Variants in NRXN3 observed in about 807,000 individuals in gnomAD.
NRXN3 encodes the protein neurexin 3.
NRXN3 carries 32 observed loss-of-function variants against 137.6 expected under a neutral mutation model. The observed-to-expected ratio is 0.23, with a 90% CI of 0.18 to 0.31. The LOEUF is 0.31. Ranked by LOEUF, NRXN3 falls within the 10% of genes least tolerant of loss-of-function variation. NRXN3 has a pLI of 1.00. For missense variants in NRXN3, 1,574 were observed against 2,062.5 expected (o/e 0.76, Z 4.59); for synonymous variants, 798 against 784.5 (o/e 1.02, Z -0.29).
chr14:79,362,910 G>T (rs1419325505), intron 15 of NRXN3, among the ~76,000 whole-genome samples: 1 of 152,164 alleles, frequency 6.6e-6, no homozygotes, highest in African/African-American at 2.4e-5. Flanking sequence ...ACAAAGCTTG[G>T]ATTTGGGCAA....
chr14:79,390,050 G>T (rs1324981600), intron 15 of NRXN3, among the ~76,000 whole-genome samples: 1 of 152,156 alleles, frequency 6.6e-6, no homozygotes, highest in East Asian at 1.9e-4. Context: ...AGGAGCGGTG[G>T]CTCACGCCTG....
chr14:78,917,979 TAAAAA>T (rs1158635049), intron 10 of NRXN3, among the ~76,000 whole-genome samples: 1 of 57,218 alleles, frequency 1.7e-5, no homozygotes, highest in African/African-American at 8.0e-5. Context: ...AATAAAAAAA[TAAAAA>T]AATGAAAAAA....
chr14:78,456,787 C>T (rs1185101560), intron 4 of NRXN3, among the ~76,000 whole-genome samples: 1 of 136,532 alleles, frequency 7.3e-6, no homozygotes, highest in Admixed American at 7.3e-5. Context: ...TTCCCTTTCT[C>T]TCTCTCTTTC....
chr14:78,591,379 G>T (rs1005645938), intron 4 of NRXN3, among the ~76,000 whole-genome samples: 1 of 152,118 alleles, frequency 6.6e-6, no homozygotes, highest in Non-Finnish European at 1.5e-5. Flanking sequence ...TAGCTTCCAG[G>T]TGCTGTCCAT....
chr14:78,998,977 A>T (rs2099536026), intron 15 of NRXN3, among the ~76,000 whole-genome samples: 1 of 151,994 alleles, frequency 6.6e-6, no homozygotes, highest in Non-Finnish European at 1.5e-5. Context: ...AGTGGTTCTT[A>T]TTATTTTCTT....
At chr14:79,238,042 C>A (rs1405287780) in intron 15 of NRXN3, among the ~76,000 whole-genome samples, 1 of 151,944 alleles carries the variant, frequency 6.6e-6, no homozygotes, top group Non-Finnish European at 1.5e-5. Context: ...AGATTATATA[C>A]AAAGGGATCA....
intron 4 of NRXN3, among the ~76,000 whole-genome samples, chr14:78,494,581 G>C (rs966705345): frequency 1.3e-5 from 2 of 152,072 alleles, no homozygotes; most frequent in African/African-American, 4.8e-5. Flanking sequence ...GGTGGCTGTA[G>C]CACTGGAAGA....
intron 16 of NRXN3, among the ~76,000 whole-genome samples, chr14:79,646,971 G>A (rs2098455716): frequency 7.4e-6 from 1 of 135,460 alleles, no homozygotes; most frequent in African/African-American, 2.5e-5. Flanking sequence ...AAAGAGAAGA[G>A]AACTAGAAAT....
intron 15 of NRXN3, chr14:79,074,484 G>T (rs1293799980): frequency 6.6e-6 from 1 of 152,196 alleles, no homozygotes; most frequent in African/African-American, 2.4e-5. Flanking sequence ...GATACTAGGG[G>T]TCTGTGTTTG....
chr14:79,381,785 A>T (rs1235859127), intron 15 of NRXN3, among the ~76,000 whole-genome samples: 1 of 152,170 alleles, frequency 6.6e-6, no homozygotes, highest in Non-Finnish European at 1.5e-5. Context: ...GCACGATTCC[A>T]TGAAACATTA....
chr14:79,086,684 T>C (rs984724806), intron 15 of NRXN3, among the ~76,000 whole-genome samples: 2 of 152,094 alleles, frequency 1.3e-5, no homozygotes, highest in African/African-American at 4.8e-5. Flanking sequence ...CAAGGACCTG[T>C]GGGGATAGTT....
At chr14:78,536,349 C>T (rs976671478) in intron 4 of NRXN3, among the ~76,000 whole-genome samples, 3 of 152,182 alleles carry the variant, frequency 2.0e-5, no homozygotes, top group African/African-American at 7.2e-5. Context: ...AGGTCACATC[C>T]CCGCATCACG....
intron 4 of NRXN3, among the ~76,000 whole-genome samples, chr14:78,331,788 T>C (rs1221809990): frequency 6.6e-6 from 1 of 152,186 alleles, no homozygotes; most frequent in Non-Finnish European, 1.5e-5. Flanking sequence ...CTGTTATCAT[T>C]TGATGTATTG....
chr14:79,630,536 G>C (rs1001769842), intron 16 of NRXN3, among the ~76,000 whole-genome samples: 3 of 152,190 alleles, frequency 2.0e-5, no homozygotes, highest in African/African-American at 7.2e-5. Flanking sequence ...AAGACTGACG[G>C]ACATTTATTT....
chr14:78,442,936 T>C (rs2094306003), intron 4 of NRXN3, among the ~76,000 whole-genome samples: 1 of 152,232 alleles, frequency 6.6e-6, no homozygotes, highest in Non-Finnish European at 1.5e-5. Context: ...GTATTTATGG[T>C]AAACCTGAGA....
At chr14:79,482,367 C>A in intron 16 of NRXN3, among the ~76,000 whole-genome samples, 1 of 152,100 alleles carries the variant, frequency 6.6e-6, no homozygotes, top group East Asian at 1.9e-4. Flanking sequence ...TCAGGACCAC[C>A]TTCACATACT....
rs901259819 is a variant in NRXN3 at position 79,359,586 on chromosome 14, T to C, written c.3263-107635T>C. Among the ~76,000 whole-genome samples the C allele has an allele frequency of 8.4e-4, 127 of 150,774 alleles. 1 individual carries two copies. The highest frequency in any genetic ancestry group is 3.0e-3 in the African/African-American group (122 of 41,090). On this transcript the variant is annotated intron_variant, in intron 15 of 20. Transcript: ENST00000335750. ...ACATTTAGTCTTTTTTTTTTTTTTTTTGGAGACAGAGTCTTGCTCTGTCGC... is the reference window on the plus strand; with the variant it reads ...ACATTTAGTCTTTTTTTTTTTTTTTCTGGAGACAGAGTCTTGCTCTGTCGC...
intron 8 of NRXN3, among the ~76,000 whole-genome samples, chr14:78,759,580 T>C (rs976373675): frequency 2.0e-5 from 3 of 152,226 alleles, no homozygotes. Context: ...ATATCATTTT[T>C]CCTCTGGAGA....
intron 1 of NRXN3, among the ~76,000 whole-genome samples, chr14:78,206,378 G>T (rs1232198412): frequency 6.6e-6 from 1 of 152,134 alleles, no homozygotes; most frequent in Non-Finnish European, 1.5e-5. Flanking sequence ...CCATGCAGGG[G>T]GTTTCCACAC....
Sources: gnomAD v4.1 joint callset for allele counts (sites outside exome capture counted in the v4.1 genomes callset) on GRCh38, gnomAD v4.1.1 for gene constraint, MANE v1.5 for transcripts, NCBI Gene and HGNC (gene_info 2026-07-23, HGNC 2026-07-21) for gene names.